Variants in TANC1 observed in about 807,000 individuals in gnomAD.
The protein encoded by TANC1 is protein TANC1.
In TANC1, 77 loss-of-function variants were observed where a neutral mutation model predicts 149.7. The observed-to-expected ratio is 0.51, with a 90% confidence interval of 0.43 to 0.62. The LOEUF (loss-of-function observed/expected upper bound fraction) is 0.62, where lower values mean the gene tolerates loss of function less well. Ranked by LOEUF, TANC1 falls within the 20% of genes least tolerant of loss-of-function variation. TANC1 has a pLI of 0.00. For missense variants in TANC1, 1,985 were observed against 2,321.8 expected, an observed-to-expected ratio of 0.85 and a Z score of 2.98; for synonymous variants, 854 against 925.0, an observed-to-expected ratio of 0.92 and a Z score of 1.39.
chr2:159,100,360 A>AT (rs150734497), intron 4 of TANC1, among the ~76,000 whole-genome samples: 1,604 of 152,346 alleles, frequency 0.011, 30 homozygotes, highest in African/African-American at 0.037. Context: ...GGTTACAGGC[A>AT]TGGAGGCAGA....
intron 3 of TANC1, among the ~76,000 whole-genome samples, chr2:159,066,915 A>T (rs2042720771): frequency 6.6e-6 from 1 of 152,144 alleles, no homozygotes; most frequent in South Asian, 2.1e-4. Context: ...CGCTAGAAAA[A>T]CTATATATTG....
At chr2:159,086,087 A>G (rs948664058) in intron 3 of TANC1, among the ~76,000 whole-genome samples, 1 of 152,158 alleles carries the variant, frequency 6.6e-6, no homozygotes, top group Non-Finnish European at 1.5e-5. Context: ...CGGGGGCACT[A>G]TTAACATAGA....
intron 7 of TANC1, among the ~76,000 whole-genome samples, chr2:159,160,526 G>A (rs891578148): frequency 2.6e-5 from 4 of 152,194 alleles, no homozygotes; most frequent in African/African-American, 9.7e-5. Context: ...GGGCTGCCAT[G>A]TTTGGTGTTG....
chr2:159,035,397 A>G (rs549407460), intron 2 of TANC1, among the ~76,000 whole-genome samples: 4 of 152,304 alleles, frequency 2.6e-5, no homozygotes, highest in South Asian at 4.1e-4. Flanking sequence ...TTTCAAAACT[A>G]TCATGGGCCC....
At chr2:159,083,053 C>T (rs1456856843) in intron 3 of TANC1, among the ~76,000 whole-genome samples, 1 of 152,182 alleles carries the variant, frequency 6.6e-6, no homozygotes, top group East Asian at 1.9e-4. Context: ...TCAAGTGATT[C>T]TCCTGCTTCA....
At chr2:158,995,736 C>T (rs1247556912) in intron 1 of TANC1, among the ~76,000 whole-genome samples, 1 of 152,174 alleles carries the variant, frequency 6.6e-6, no homozygotes, top group Non-Finnish European at 1.5e-5. Flanking sequence ...AGGATGCTTC[C>T]CCAGACAGCT....
Position 159,219,707 on chromosome 2 carries a change from C to T in TANC1, c.3518C>T (p.Ser1173Phe), listed in dbSNP as rs536942485. 11 of 1,614,168 alleles carry T rather than the reference C, an allele frequency of 6.8e-6. No individual in the cohort carries two copies. Among genetic ancestry groups the T allele is most frequent in the Admixed American group, 3.3e-5 (2 of 60,018 alleles). Residue 1173 changes from serine (S) to phenylalanine (F), a missense_variant, in exon 22 of 27, where the codon TCT becomes TTT. Coordinates refer to ENST00000263635, the MANE Select transcript of TANC1 (RefSeq NM_033394.3). ...TTCCTTTCAGGTGCAGCCCTTTCTT[C>T]TCTAGACAAAGAGGGTCTGTCAGCA... ...FLLSKGAALS[S>F]LDKEGLSALS...
At chr2:158,984,624 C>A (rs1028964784) in intron 1 of TANC1, among the ~76,000 whole-genome samples, 3 of 151,906 alleles carry the variant, frequency 2.0e-5, no homozygotes, top group African/African-American at 7.3e-5. Context: ...TCTGAGGAGA[C>A]AAGTGCACAC....
chr2:159,090,537 A>G (rs264623), intron 3 of TANC1, among the ~76,000 whole-genome samples: 20,507 of 152,142 alleles, frequency 0.13, 2,549 homozygotes, highest in African/African-American at 0.32. Flanking sequence ...AGGGTGTTGG[A>G]AACTGAATCA....
At chr2:159,226,391 G>A (rs193164247) in intron 24 of TANC1, 86 of 153,166 alleles carry the variant, frequency 5.6e-4, no homozygotes, top group African/African-American at 1.8e-3. Flanking sequence ...CATAGAGAAG[G>A]TTCCTCAGCC....
intron 2 of TANC1, among the ~76,000 whole-genome samples, chr2:159,052,131 C>T (rs2149596134): frequency 6.6e-6 from 1 of 152,134 alleles, no homozygotes; most frequent in East Asian, 1.9e-4. Flanking sequence ...AGCACAAATA[C>T]TTTCAAAAAG....
chr2:159,080,505 C>G (rs550956037), intron 3 of TANC1, among the ~76,000 whole-genome samples: 15 of 152,292 alleles, frequency 9.8e-5, no homozygotes, highest in Middle Eastern at 3.4e-3. Flanking sequence ...TCTTAAGAGT[C>G]TGTGGTGCTC....
In TANC1 at chr2:159,178,659, A is replaced by G. The variant is rs2056139969; in HGVS notation, c.2006A>G (p.His669Arg). ...DLHAYVQHRVHSSQDILSNIS... is the reference protein window; with the variant it reads ...DLHAYVQHRVRSSQDILSNIS... ...CACGCCTACGTCCAGCACAGGGTGCACAGCAGCCAGGACATCCTCAGCAAC... is the reference window on the plus strand; with the variant it reads ...CACGCCTACGTCCAGCACAGGGTGCGCAGCAGCCAGGACATCCTCAGCAAC... The change falls in exon 14 of 27, where the codon CAC (histidine) becomes CGC (arginine). Residue 669 changes from histidine to arginine, a missense_variant. Transcript: ENST00000263635. 4 of 1,614,108 alleles carry G rather than the reference A, an allele frequency of 2.5e-6. No homozygotes were observed. Among genetic ancestry groups the G allele is most frequent in the Admixed American group, 1.7e-5 (1 of 60,006 alleles).
intron 1 of TANC1, among the ~76,000 whole-genome samples, chr2:158,994,120 C>T (rs926540893): frequency 6.6e-6 from 1 of 152,132 alleles, no homozygotes; most frequent in Non-Finnish European, 1.5e-5. Context: ...TAACTATCAA[C>T]GGATCCTAAT....
intron 6 of TANC1, 68 bp downstream of exon 6, chr2:159,149,340 T>G (rs959226932): frequency 6.2e-7 from 1 of 1,602,626 alleles, no homozygotes; most frequent in Non-Finnish European, 8.5e-7. Flanking sequence ...AACCATCTTC[T>G]CCCTTTCCTT....
At chr2:159,005,588 A>T (rs1036941071) in intron 2 of TANC1, among the ~76,000 whole-genome samples, 1 of 151,764 alleles carries the variant, frequency 6.6e-6, no homozygotes, top group African/African-American at 2.4e-5. Flanking sequence ...ACCTTGTCTC[A>T]AAAAAAAGTA....
intron 7 of TANC1, among the ~76,000 whole-genome samples, chr2:159,162,826 C>T (rs1455424443): frequency 1.3e-5 from 2 of 152,140 alleles, no homozygotes; most frequent in Non-Finnish European, 2.9e-5. Context: ...AGATTTTCTC[C>T]TGCACCGTTT....
chr2:159,131,657 C>A (rs927916324), intron 4 of TANC1, among the ~76,000 whole-genome samples: 3 of 152,274 alleles, frequency 2.0e-5, no homozygotes, highest in Non-Finnish European at 4.4e-5. Flanking sequence ...TTTCTTTAAT[C>A]TTTTTGCTAC....
chr2:159,205,364 G>GT (rs1264655573), intron 19 of TANC1, among the ~76,000 whole-genome samples: 2 of 152,148 alleles, frequency 1.3e-5, no homozygotes, highest in Non-Finnish European at 2.9e-5. Context: ...CTGTTCTTTG[G>GT]TAAGAATGTA....
Sources: allele counts gnomAD v4.1 joint callset (sites outside exome capture counted in the v4.1 genomes callset), GRCh38; gene constraint gnomAD v4.1.1; transcripts MANE v1.5; gene names NCBI Gene and HGNC (gene_info 2026-07-23, HGNC 2026-07-21).